TOP3A: variants seen among roughly 807,000 people sequenced by gnomAD.
The protein encoded by TOP3A is DNA topoisomerase III alpha.
In TOP3A, 64 loss-of-function variants were observed where a neutral mutation model predicts 111.3. The observed-to-expected ratio is 0.57, with a 90% confidence interval of 0.47 to 0.71. TOP3A has a LOEUF of 0.71. TOP3A is among the 30% of genes least tolerant of loss of function. The pLI is 0.00. For missense variants in TOP3A, 1,104 were observed against 1,285.0 expected (o/e 0.86, Z 2.15); for synonymous variants, 484 against 485.1 (o/e 1.00, Z 0.03).
At chr17:18,292,022 A>G (rs1980507784) in intron 11 of TOP3A, among the ~76,000 whole-genome samples, 1 of 152,204 alleles carries the variant, frequency 6.6e-6, no homozygotes, top group Non-Finnish European at 1.5e-5. Flanking sequence ...ATATTTTTAA[A>G]ATCAGAAAGA....
At chr17:18,295,723 T>G (rs1459420407) in intron 9 of TOP3A, among the ~76,000 whole-genome samples, 1 of 152,070 alleles carries the variant, frequency 6.6e-6, no homozygotes, top group African/African-American at 2.4e-5. Flanking sequence ...CCTCCCAAAG[T>G]GCTGTGATTA....
At chr17:18,303,793 A>C (rs1047584974) in intron 5 of TOP3A, among the ~76,000 whole-genome samples, 3 of 152,156 alleles carry the variant, frequency 2.0e-5, no homozygotes, top group Admixed American at 6.5e-5. Flanking sequence ...TGAGACCAGC[A>C]CTGGTGTAGG....
intron 18 of TOP3A, among the ~76,000 whole-genome samples, chr17:18,275,846 G>A (rs966589829): frequency 8.2e-5 from 11 of 134,694 alleles, no homozygotes; most frequent in African/African-American, 2.0e-4. Flanking sequence ...TAGTAGAGAC[G>A]GGGTTTCACT....
Position 18,305,493 on chromosome 17 carries a change from C to T in TOP3A, c.391-273G>A, listed in dbSNP as rs1036315058. On this transcript the variant is annotated intron_variant, in intron 4 of 18. Coordinates refer to ENST00000321105, the MANE Select transcript of TOP3A (RefSeq NM_004618.5). ...CAGCTCTAACACACACACACGCGCG[C>T]GCGCGCGCGCGCACGCACACTTCGA... Among the ~76,000 whole-genome samples, 8 of 150,202 alleles carry T rather than the reference C, an allele frequency of 5.3e-5. No homozygotes were observed. The East Asian group carries it at 5.9e-4, about 11-fold the overall frequency.
In TOP3A at chr17:18,282,729, C is replaced by T. The variant is rs1230163538; in HGVS notation, c.1990G>A (p.Asp664Asn). Residue 664 changes from aspartate (D) to asparagine (N), a missense_variant, in exon 16 of 19, where the codon GAC (aspartate) becomes AAC (asparagine). Asp to Asn is a conservative substitution (Grantham distance 23). Transcript: ENST00000321105. ...PIRKCPQCNK[D>N]MVLKTKKNGG... ...TTCTTCTTGGTCTTAAGGACCATGT[C>T]CTTGTTGCACTGTGGGCACTTCCTG... 1.2e-6 allele frequency: 2 copies of T among 1,613,972 alleles called. No individual in the cohort carries two copies. The highest frequency in any genetic ancestry group is 1.7e-6 in the Non-Finnish European group (2 of 1,179,978).
In TOP3A at chr17:18,299,542, G is replaced by A; in HGVS notation, c.990+17C>T. 4 of 1,613,120 alleles carry A rather than the reference G, an allele frequency of 2.5e-6. No homozygotes were observed. Among genetic ancestry groups the A allele is most frequent in the Non-Finnish European group, 3.4e-6 (4 of 1,179,084 alleles). ...AAGTGTTCCCCGAGTGCCTGAAACA[G>A]CCTGTCTGGAACATACCACAGTGTC... On this transcript the variant is annotated intron_variant, in intron 9 of 18. Coordinates refer to ENST00000321105, the MANE Select transcript of TOP3A (RefSeq NM_004618.5).
At position 18,308,405 on chromosome 17, in the gene TOP3A, G is replaced by A; in HGVS notation, c.260C>T (p.Thr87Ile). The A allele has an allele frequency of 2.5e-6, 4 of 1,604,586 alleles. No individual in the cohort carries two copies. The highest frequency in any genetic ancestry group is 3.4e-6 in the Non-Finnish European group (4 of 1,174,536). Residue 87 changes from threonine (T) to isoleucine (I), a missense_variant, in exon 3 of 19, where the codon ACT (threonine) becomes ATT (isoleucine). Coordinates refer to ENST00000321105, the MANE Select transcript of TOP3A (RefSeq NM_004618.5). Reference protein sequence around the residue: ...LYGQNVTMVMTSVSGHLLAHD... With the variant: ...LYGQNVTMVMISVSGHLLAHD... ...AGCCAGTAAATGTCCAGAAACTGAA[G>A]TCATTACCATGGTAACATTCTGAAT...
Position 18,275,059 on chromosome 17 carries a change from C to A in TOP3A, c.2828-79G>T, listed in dbSNP as rs906313311. On this transcript the variant is annotated intron_variant, in intron 18 of 18. Coordinates refer to ENST00000321105, the MANE Select transcript of TOP3A (RefSeq NM_004618.5). ...AAGTCCTGAACACGGTGGCTCATGC[C>A]TGTAATCCCAGCACTTTAGGAAGCT... 2.6e-6 allele frequency: 4 copies of A among 1,533,894 alleles called. No homozygotes were observed. The Admixed American group carries it at 8.2e-5, about 31-fold the overall frequency.
At chr17:18,306,750 G>A (rs1981602209) in intron 4 of TOP3A, 141 bp downstream of exon 4, 2 of 637,350 alleles carry the variant, frequency 3.1e-6, no homozygotes, top group Middle Eastern at 2.9e-4. Context: ...TATACAATGG[G>A]TGGGAACCAG....
Position 18,273,535 on chromosome 17 carries a change from C to T in TOP3A, c.*1267G>A, listed in dbSNP as rs7215969. On this transcript the variant is annotated 3_prime_UTR_variant, in exon 19 of 19. Transcript: ENST00000321105. Reference sequence around the variant, plus strand: ...GGCTGACGAGACCTCCCAGGGTGAGCTCCTTCCAGCACTGGCTGGTACCTG... The same window carrying T: ...GGCTGACGAGACCTCCCAGGGTGAGTTCCTTCCAGCACTGGCTGGTACCTG... 2.1e-3 allele frequency among the ~76,000 whole-genome samples: 317 copies of T among 152,302 alleles called. 2 individuals carry two copies. Among genetic ancestry groups the T allele is most frequent in the African/African-American group, 7.3e-3 (305 of 41,564 alleles).
At chr17:18,313,189 T>G (rs1371966625) in intron 1 of TOP3A, 2 of 152,794 alleles carry the variant, frequency 1.3e-5, no homozygotes, top group Admixed American at 1.3e-4. Context: ...AAGGTGATAT[T>G]GAGGACTTCG....
intron 1 of TOP3A, among the ~76,000 whole-genome samples, chr17:18,309,871 G>A (rs1047667950): frequency 1.3e-5 from 2 of 150,178 alleles, no homozygotes; most frequent in East Asian, 2.1e-4. Flanking sequence ...CACCACGCCC[G>A]GCTAATTTTT....
chr17:18,282,634 C>A, intron 16 of TOP3A, 64 bp downstream of exon 16: 2 of 1,599,936 alleles, frequency 1.3e-6, no homozygotes, highest in South Asian at 2.2e-5. Flanking sequence ...CAGGGTCTTT[C>A]GAGCTACGGC....
chr17:18,304,139 ATT>A (rs1319491656), intron 5 of TOP3A, among the ~76,000 whole-genome samples: 1 of 151,890 alleles, frequency 6.6e-6, no homozygotes, highest in Non-Finnish European at 1.5e-5. Flanking sequence ...TAATTTTTGT[ATT>A]TTTAGTAGAG....
chr17:18,278,743 G>A (rs959306392), intron 17 of TOP3A, among the ~76,000 whole-genome samples: 4 of 152,170 alleles, frequency 2.6e-5, no homozygotes, highest in African/African-American at 9.7e-5. Context: ...ACTTTGGGAG[G>A]CTGAGGCGGG....
rs4925165 is a variant in TOP3A at position 18,307,290 on chromosome 17, C to T, written c.315-324G>A. On this transcript the variant is annotated intron_variant, in intron 3 of 18. Coordinates refer to ENST00000321105, the MANE Select transcript of TOP3A (RefSeq NM_004618.5). ...AAAATTCACAATGGATCAGATAATC[C>T]TAGGTCATCTTAGTATTATAAATTA... 2.1e-3 allele frequency: 460 copies of T among 217,140 alleles called. 2 individuals carry two copies. Among genetic ancestry groups the T allele is most frequent in the Middle Eastern group, 6.8e-3 (4 of 584 alleles). 13.5% of individuals were successfully genotyped at this position (217,140 alleles called of 1,614,324 possible).
chr17:18,282,064 G>C (rs1979795291), intron 16 of TOP3A, among the ~76,000 whole-genome samples: 1 of 152,126 alleles, frequency 6.6e-6, no homozygotes, highest in Non-Finnish European at 1.5e-5. Context: ...ACTTCCTCCA[G>C]TGGCCAGCCA....
At chr17:18,310,759 A>G (rs2142991861) in intron 1 of TOP3A, among the ~76,000 whole-genome samples, 1 of 152,240 alleles carries the variant, frequency 6.6e-6, no homozygotes, top group Non-Finnish European at 1.5e-5. Flanking sequence ...AAATGATTAA[A>G]ATGGTCAATT....
At position 18,274,585 on chromosome 17, in the gene TOP3A, C is replaced by G; in HGVS notation, c.*217G>C. Reference sequence around the variant, plus strand: ...CTTTTCAGCAGTGGCTATGGTCACTCCTGAGGCCTGGGAAGAGGGTCACTG... The same window carrying G: ...CTTTTCAGCAGTGGCTATGGTCACTGCTGAGGCCTGGGAAGAGGGTCACTG... On this transcript the variant is annotated 3_prime_UTR_variant, in exon 19 of 19. Transcript: ENST00000321105. 1.4e-6 allele frequency: 1 copy of G among 700,026 alleles called. No homozygotes were observed. Among genetic ancestry groups the G allele is most frequent in the Non-Finnish European group, 2.2e-6 (1 of 464,076 alleles). The allele number at this position is 700,026 out of a possible 1,614,324, so 43.4% of individuals were successfully genotyped here. A position where few individuals can be genotyped will look rare whatever the true frequency, so the allele number is the denominator to read the frequency against.
Sources: gnomAD v4.1 joint callset for allele counts (sites outside exome capture counted in the v4.1 genomes callset) on GRCh38, gnomAD v4.1.1 for gene constraint, MANE v1.5 for transcripts, NCBI Gene and HGNC (gene_info 2026-07-23, HGNC 2026-07-21) for gene names.